Variants in PDE7B observed in about 807,000 individuals in gnomAD.
PDE7B encodes 3',5'-cyclic-AMP phosphodiesterase 7B.
Under a neutral mutation model 56.2 loss-of-function variants are expected in PDE7B, and 29 were observed. The ratio of observed to expected loss-of-function variants is 0.52; its 90% CI spans 0.38 to 0.70. The LOEUF (loss-of-function observed/expected upper bound fraction) is 0.70, where lower values mean the gene tolerates loss of function less well. PDE7B is among the 30% of genes least tolerant of loss of function. The pLI is 0.00. For missense variants in PDE7B, 490 were observed against 565.0 expected (o/e 0.87, Z 1.35); for synonymous variants, 197 against 196.9 (o/e 1.00, Z 0.00).
intron 3 of PDE7B, among the ~76,000 whole-genome samples, chr6:136,133,802 T>C (rs1778161259): frequency 6.6e-6 from 1 of 152,046 alleles, no homozygotes; most frequent in African/African-American, 2.4e-5. Flanking sequence ...CAGGAGGAAA[T>C]ACTTGAGGTG....
At chr6:136,148,497 G>GCAGGCAGGCAGGCAGGCAGGCAGGCAGA in intron 4 of PDE7B, among the ~76,000 whole-genome samples, 1 of 151,810 alleles carries the variant, frequency 6.6e-6, no homozygotes, top group African/African-American at 2.4e-5. Flanking sequence ...AGGCAGGCAG[G>GCAGGCAGGCAGGCAGGCAGGCAGGCAGA]CAACTAATAT....
chr6:135,899,341 G>A (rs962958574), intron 1 of PDE7B, among the ~76,000 whole-genome samples: 11 of 151,534 alleles, frequency 7.3e-5, no homozygotes, highest in Non-Finnish European at 1.3e-4. Flanking sequence ...CTATACATAT[G>A]TATCTGTGTG....
chr6:136,181,370 T>C (rs375646382), intron 11 of PDE7B, 47 bp downstream of exon 11: 3 of 1,142,008 alleles, frequency 2.6e-6, no homozygotes, highest in East Asian at 2.3e-5. Flanking sequence ...TGTCTTCTTT[T>C]AGGCATTTAT....
chr6:135,910,696 G>T (rs1409046889), intron 1 of PDE7B, among the ~76,000 whole-genome samples: 1 of 152,124 alleles, frequency 6.6e-6, no homozygotes, highest in African/African-American at 2.4e-5. Flanking sequence ...GCCATATGGA[G>T]TATTTTCACT....
At position 136,191,457 on chromosome 6, in the gene PDE7B, G is replaced by C. The variant is rs1033630147; in HGVS notation, c.1127-157G>C. On this transcript the variant is annotated intron_variant, in intron 12 of 12. Transcript: ENST00000308191. ...CGAGGCGGGCGGATCACTTGAGGTC[G>C]GGAGTTCAAGGCCAACCTGGCCAAC... 30 of 645,030 alleles carry C rather than the reference G, an allele frequency of 4.7e-5. No individual in the cohort carries two copies. In the South Asian group the frequency reaches 5.2e-4, roughly 11 times the overall value. 40.0% of individuals were successfully genotyped at this position (645,030 alleles called of 1,614,324 possible).
intron 2 of PDE7B, among the ~76,000 whole-genome samples, chr6:136,000,677 G>T (rs1037749527): frequency 6.6e-6 from 1 of 152,196 alleles, no homozygotes; most frequent in Non-Finnish European, 1.5e-5. Context: ...TTGAAGTCAA[G>T]TAACATGATG....
Position 136,191,838 on chromosome 6 carries a change from T to C in PDE7B, c.1351T>C (p.Ter451GlnextTer33), listed in dbSNP as rs1349216393. The C allele has an allele frequency of 3.9e-6, 6 of 1,549,192 alleles. No individual in the cohort carries two copies. Among genetic ancestry groups the C allele is most frequent in the South Asian group, 2.4e-5 (2 of 84,034 alleles). ...CGAGGAGCAGGAAGGCGACAGCCCC[T>C]AGGGGCCGGCCCAACTTAGACGCGG... ...ESEEQEGDSP* is the reference protein window; with the variant it reads ...ESEEQEGDSPQ The change falls in exon 13 of 13, where the codon TAG (stop) becomes CAG (glutamine). Residue 451 changes from the stop codon to glutamine (Q), a stop_lost. Transcript: ENST00000308191.
chr6:136,118,998 T>C (rs1777884863), intron 3 of PDE7B, among the ~76,000 whole-genome samples: 1 of 152,150 alleles, frequency 6.6e-6, no homozygotes, highest in African/African-American at 2.4e-5. Context: ...TTGTGTTCTT[T>C]GATAAGAAAG....
chr6:135,902,810 G>T (rs1776028886), intron 1 of PDE7B, among the ~76,000 whole-genome samples: 1 of 152,124 alleles, frequency 6.6e-6, no homozygotes, highest in African/African-American at 2.4e-5. Context: ...ACTAGAAGAA[G>T]AAAAATAGCT....
chr6:136,028,506 G>A (rs1332500426), intron 2 of PDE7B, among the ~76,000 whole-genome samples: 1 of 152,216 alleles, frequency 6.6e-6, no homozygotes, highest in East Asian at 1.9e-4. Flanking sequence ...TTATCTTACA[G>A]TTCTGGAGGT....
At chr6:136,108,216 G>T (rs552963175) in intron 2 of PDE7B, among the ~76,000 whole-genome samples, 1 of 151,904 alleles carries the variant, frequency 6.6e-6, no homozygotes, top group African/African-American at 2.4e-5. Context: ...AGACTGTCCT[G>T]TGTGCAAGAG....
intron 1 of PDE7B, among the ~76,000 whole-genome samples, chr6:135,891,416 C>T (rs1199105973): frequency 3.3e-5 from 5 of 152,216 alleles, no homozygotes; most frequent in African/African-American, 1.2e-4. Flanking sequence ...AGTTTCATCT[C>T]TCCCTACCAT....
intron 1 of PDE7B, among the ~76,000 whole-genome samples, chr6:135,873,258 T>C (rs1403526793): frequency 6.6e-6 from 1 of 152,142 alleles, no homozygotes; most frequent in Non-Finnish European, 1.5e-5. Context: ...TTCTAAACCA[T>C]TCACAAACAC....
intron 8 of PDE7B, among the ~76,000 whole-genome samples, chr6:136,164,955 AT>A (rs1373134893): frequency 6.6e-6 from 1 of 152,228 alleles, no homozygotes; most frequent in African/African-American, 2.4e-5. Flanking sequence ...TAGTAAGTTT[AT>A]ATTAAACTAC....
intron 2 of PDE7B, among the ~76,000 whole-genome samples, chr6:135,979,447 G>A (rs1204481508): frequency 6.6e-6 from 1 of 151,562 alleles, no homozygotes; most frequent in African/African-American, 2.4e-5. Flanking sequence ...GTTTCAGAAG[G>A]AATGGTACCA....
intron 6 of PDE7B, 60 bp downstream of exon 6, chr6:136,151,315 C>G: frequency 1.2e-6 from 1 of 832,482 alleles, no homozygotes; most frequent in Non-Finnish European, 2.1e-6. Context: ...ATGCATAATA[C>G]TCTTTAATAT....
At chr6:135,924,031 AT>A (rs949831492) in intron 1 of PDE7B, among the ~76,000 whole-genome samples, 1 of 152,200 alleles carries the variant, frequency 6.6e-6, no homozygotes, top group African/African-American at 2.4e-5. Flanking sequence ...AAGTTGACAA[AT>A]TTTTTTAAAT....
At chr6:136,181,097 G>C in intron 10 of PDE7B, 130 bp from the exon 11 acceptor site, 1 of 689,456 alleles carries the variant, frequency 1.5e-6, no homozygotes, top group South Asian at 1.7e-5. Flanking sequence ...GCATGTCAGG[G>C]AGGTACTCTG....
intron 1 of PDE7B, among the ~76,000 whole-genome samples, chr6:135,914,341 T>C (rs1436326523): frequency 6.6e-6 from 1 of 151,850 alleles, no homozygotes; most frequent in Non-Finnish European, 1.5e-5. Context: ...AAGTTCCCTG[T>C]GCTCATTTTT....
Sources: allele counts gnomAD v4.1 joint callset (sites outside exome capture counted in the v4.1 genomes callset), GRCh38; gene constraint gnomAD v4.1.1; transcripts MANE v1.5; gene names NCBI Gene and HGNC (gene_info 2026-07-23, HGNC 2026-07-21).